KCNQ3: variants seen among roughly 807,000 people sequenced by gnomAD.
The protein encoded by KCNQ3 is potassium voltage-gated channel subfamily Q member 3.
KCNQ3 carries 30 observed loss-of-function variants against 92.5 expected under a neutral mutation model. That is an observed-to-expected ratio of 0.32 (90% CI 0.24 to 0.44). KCNQ3 has a LOEUF of 0.44. KCNQ3 is among the 20% of genes least tolerant of loss of function. The pLI is 1.00. For synonymous variants in KCNQ3, 450 were observed against 468.8 expected (o/e 0.96, Z 0.52); for missense variants, 913 against 1,140.3 (o/e 0.80, Z 2.87).
At chr8:132,351,496 T>C (rs1481781813) in intron 1 of KCNQ3, among the ~76,000 whole-genome samples, 4 of 152,168 alleles carry the variant, frequency 2.6e-5, no homozygotes, top group African/African-American at 4.8e-5. Flanking sequence ...AGTGAGCCCA[T>C]TGAAGCCCAC....
chr8:132,320,625 C>T (rs1353571901), intron 1 of KCNQ3, among the ~76,000 whole-genome samples: 1 of 152,104 alleles, frequency 6.6e-6, no homozygotes, highest in East Asian at 1.9e-4. Flanking sequence ...TCCCACTCTA[C>T]TCAGAGGAGA....
At chr8:132,161,459 T>G (rs1229289499) in intron 9 of KCNQ3, among the ~76,000 whole-genome samples, 1 of 151,924 alleles carries the variant, frequency 6.6e-6, no homozygotes, top group Non-Finnish European at 1.5e-5. Context: ...TGAAACCCCG[T>G]CTCTACTAAA....
intron 1 of KCNQ3, among the ~76,000 whole-genome samples, chr8:132,202,645 T>A (rs190063538): frequency 1.3e-5 from 2 of 152,284 alleles, no homozygotes; most frequent in African/African-American, 4.8e-5. Flanking sequence ...GCCAAGTTCT[T>A]TGTCACTTTA....
chr8:132,426,426 G>A (rs1006752660), intron 1 of KCNQ3, among the ~76,000 whole-genome samples: 10 of 152,214 alleles, frequency 6.6e-5, no homozygotes, highest in African/African-American at 2.4e-4. Flanking sequence ...GGGCACCCCC[G>A]CCAGTAAGCC....
Position 132,123,477 on chromosome 8 carries a change from G to C in KCNQ3, c.*5785C>G, listed in dbSNP as rs1445766984. On this transcript the variant is annotated 3_prime_UTR_variant, in exon 15 of 15. Coordinates refer to ENST00000388996, the MANE Select transcript of KCNQ3 (RefSeq NM_004519.4). ...AACATCAATCTTATTCCAGAGAAGG[G>C]AAGAAGTCCCCAAAGGTATGTCCGG... 6.6e-6 allele frequency: 1 copy of C among 152,208 alleles called. No homozygotes were observed. The allele number at this position is 152,208 out of a possible 1,614,324, so 9.4% of individuals were successfully genotyped here.
chr8:132,450,140 TGCCACTGCTGGCTGGGGTG>T (rs1177157504), intron 1 of KCNQ3, among the ~76,000 whole-genome samples: 83 of 152,272 alleles, frequency 5.5e-4, no homozygotes, highest in East Asian at 1.7e-3. Flanking sequence ...CCGAGTGGGT[TGCCACTGCTGGCTGGGGTG>T]GCCACTGCTG....
chr8:132,346,515 C>T (rs1818693311), intron 1 of KCNQ3, among the ~76,000 whole-genome samples: 1 of 152,306 alleles, frequency 6.6e-6, no homozygotes, highest in East Asian at 1.9e-4. Flanking sequence ...AATACTAGAA[C>T]CCTCTCCACC....
intron 1 of KCNQ3, among the ~76,000 whole-genome samples, chr8:132,353,231 GA>G (rs1413108553): frequency 2.6e-5 from 4 of 151,800 alleles, no homozygotes; most frequent in Middle Eastern, 3.4e-3. Context: ...CACAGCCCCC[GA>G]CCCCCAGCCC....
At chr8:132,214,688 C>A (rs1813969059) in intron 1 of KCNQ3, among the ~76,000 whole-genome samples, 1 of 152,358 alleles carries the variant, frequency 6.6e-6, no homozygotes, top group South Asian at 2.1e-4. Flanking sequence ...AATGACATTG[C>A]CACATGGCAA....
chr8:132,153,548 A>G (rs547626314), intron 9 of KCNQ3, among the ~76,000 whole-genome samples: 39 of 152,354 alleles, frequency 2.6e-4, no homozygotes, highest in African/African-American at 9.4e-4. Flanking sequence ...AGCAGTTAAA[A>G]GGCACAGCAC....
intron 1 of KCNQ3, 70 bp downstream of exon 1, chr8:132,480,076 CA>C: frequency 6.8e-7 from 1 of 1,468,536 alleles, no homozygotes; most frequent in Non-Finnish European, 9.3e-7. Flanking sequence ...AGAGACTTCT[CA>C]GCTCCAGCCC....
chr8:132,232,808 G>A (rs886631113), intron 1 of KCNQ3, among the ~76,000 whole-genome samples: 7 of 152,150 alleles, frequency 4.6e-5, no homozygotes, highest in African/African-American at 1.4e-4. Context: ...TGGGGTGTTC[G>A]TGTGACTTTG....
chr8:132,348,855 T>A (rs1035366929), intron 1 of KCNQ3, among the ~76,000 whole-genome samples: 2 of 152,226 alleles, frequency 1.3e-5, no homozygotes, highest in African/African-American at 2.4e-5. Context: ...TTTGGCAGAA[T>A]TTAGTCATAA....
At position 132,128,279 on chromosome 8, in the gene KCNQ3, T is replaced by A. The variant is rs1185705080; in HGVS notation, c.*983A>T. The stretch of plus-strand genomic sequence containing the variant: ...ATGTCACTTTACCTGAGCCTAAGAT[T>A]CTTCATTTATAAAAGGAAGTCCTTG... On this transcript the variant is annotated 3_prime_UTR_variant, in exon 15 of 15. Transcript: ENST00000388996. 1 of 152,200 alleles carries A rather than the reference T, an allele frequency of 6.6e-6. No individual in the cohort carries two copies. Among genetic ancestry groups the A allele is most frequent in the Non-Finnish European group, 1.5e-5 (1 of 68,040 alleles). 9.4% of individuals were successfully genotyped at this position (152,200 alleles called of 1,614,324 possible).
At chr8:132,224,897 G>A (rs903345816) in intron 1 of KCNQ3, among the ~76,000 whole-genome samples, 9 of 152,134 alleles carry the variant, frequency 5.9e-5, no homozygotes, top group South Asian at 2.1e-4. Flanking sequence ...GGAAAGGGTC[G>A]GGTCTTGTTA....
At chr8:132,137,699 C>T (rs1459657707) in intron 12 of KCNQ3, among the ~76,000 whole-genome samples, 186 bp downstream of exon 12, 1 of 152,170 alleles carries the variant, frequency 6.6e-6, no homozygotes, top group South Asian at 2.1e-4. Context: ...CAATGTCATA[C>T]AGCTATTTCA....
intron 1 of KCNQ3, among the ~76,000 whole-genome samples, chr8:132,353,539 A>G (rs1818934833): frequency 6.6e-6 from 1 of 152,172 alleles, no homozygotes. Flanking sequence ...TGATTAAACA[A>G]TACTTGCTTT....
chr8:132,270,006 G>A (rs903434441), intron 1 of KCNQ3, among the ~76,000 whole-genome samples: 3 of 152,168 alleles, frequency 2.0e-5, no homozygotes, highest in African/African-American at 7.2e-5. Context: ...CAGCTCCAAA[G>A]TGATTAATTG....
intron 1 of KCNQ3, among the ~76,000 whole-genome samples, chr8:132,301,200 G>A (rs1056543577): frequency 6.6e-6 from 1 of 152,100 alleles, no homozygotes; most frequent in Non-Finnish European, 1.5e-5. Context: ...TATTTCTGAT[G>A]CATAAACTCT....
Sources: gnomAD v4.1 joint callset for allele counts (sites outside exome capture counted in the v4.1 genomes callset) on GRCh38, gnomAD v4.1.1 for gene constraint, MANE v1.5 for transcripts, NCBI Gene and HGNC (gene_info 2026-07-23, HGNC 2026-07-21) for gene names.